ZMAT3: variants seen among roughly 807,000 people sequenced by gnomAD.
The protein encoded by ZMAT3 is zinc finger matrin-type 3.
ZMAT3 carries 17 observed loss-of-function variants against 32.3 expected under a neutral mutation model. The observed-to-expected ratio is 0.53, with a 90% CI of 0.36 to 0.79. The LOEUF (loss-of-function observed/expected upper bound fraction) is 0.79, where lower values mean the gene tolerates loss of function less well. Among genes scored for constraint, ZMAT3 ranks in the 30% least tolerant of loss-of-function variants. ZMAT3 has a pLI of 0.00. For missense variants in ZMAT3, 329 were observed against 359.7 expected (o/e 0.91, Z 0.69); for synonymous variants, 120 against 133.1 (o/e 0.90, Z 0.68).
chr3:179,039,864 A>G (rs1719821790), intron 2 of ZMAT3, among the ~76,000 whole-genome samples: 1 of 152,174 alleles, frequency 6.6e-6, no homozygotes, highest in Non-Finnish European at 1.5e-5. Flanking sequence ...ACTAGAATAA[A>G]CACTGTAGAG....
At chr3:179,055,774 T>A (rs1350922688) in intron 2 of ZMAT3, among the ~76,000 whole-genome samples, 3 of 152,202 alleles carry the variant, frequency 2.0e-5, no homozygotes, top group Non-Finnish European at 4.4e-5. Context: ...AGATATAATG[T>A]TACTACTAAA....
In ZMAT3 at chr3:179,020,775, A is replaced by G. The variant is rs1298726410; in HGVS notation, c.*4242T>C. ...CAGTTACATGTGTCCCCTGACACAA[A>G]CGACACTCATTTTACGTAGGTCACT... On this transcript the variant is annotated 3_prime_UTR_variant, in exon 6 of 6. Coordinates refer to ENST00000311417, the MANE Select transcript of ZMAT3 (RefSeq NM_022470.4). 3.9e-5 allele frequency: 6 copies of G among 152,244 alleles called. No homozygotes were observed. The highest frequency in any genetic ancestry group is 7.3e-5 in the Non-Finnish European group (5 of 68,046). The allele number at this position is 152,244 out of a possible 1,614,324, so 9.4% of individuals were successfully genotyped here.
At chr3:179,033,477 A>G (rs1171355422) in intron 2 of ZMAT3, among the ~76,000 whole-genome samples, 1 of 152,014 alleles carries the variant, frequency 6.6e-6, no homozygotes, top group Non-Finnish European at 1.5e-5. Flanking sequence ...AGAAACACCC[A>G]AGAATGATCA....
In ZMAT3 at chr3:179,046,619, T is replaced by C. The variant is rs1720253534; in HGVS notation, c.271-15620A>G. On this transcript the variant is annotated intron_variant, in intron 2 of 5. Coordinates refer to ENST00000311417, the MANE Select transcript of ZMAT3 (RefSeq NM_022470.4). This position sits in a 1 kb window ranked among gnomAD's most constrained non-coding sequence, Gnocchi z 4.3. ...GTGGTCTGGGGCAAGTTCTCAGCCC[T>C]GACCACCAGCTGCCTGGAAATGAAC... is the stretch of plus-strand genomic sequence containing the variant. Among the ~76,000 whole-genome samples, 1 of 152,136 alleles carries C rather than the reference T, an allele frequency of 6.6e-6. No individual in the cohort carries two copies. Among genetic ancestry groups the C allele is most frequent in the African/African-American group, 2.4e-5 (1 of 41,426 alleles).
intron 2 of ZMAT3, among the ~76,000 whole-genome samples, chr3:179,065,313 T>G (rs1372987079): frequency 6.6e-6 from 1 of 152,214 alleles, no homozygotes; most frequent in Non-Finnish European, 1.5e-5. Flanking sequence ...TATTTTCTAA[T>G]TTATTTATTC....
intron 3 of ZMAT3, among the ~76,000 whole-genome samples, chr3:179,029,882 G>A (rs1054411532): frequency 6.6e-6 from 1 of 152,092 alleles, no homozygotes; most frequent in Non-Finnish European, 1.5e-5. Context: ...TTATGCCCAA[G>A]TTTAGTGCAT....
intron 2 of ZMAT3, among the ~76,000 whole-genome samples, chr3:179,052,274 C>T (rs1720607170): frequency 1.3e-5 from 2 of 152,196 alleles, no homozygotes; most frequent in South Asian, 2.1e-4. Context: ...ATCCAGTCTA[C>T]AAGGAATTCA....
intron 4 of ZMAT3, 23 bp from the exon 5 acceptor site, chr3:179,027,546 A>G: frequency 1.9e-6 from 3 of 1,614,200 alleles, no homozygotes; most frequent in Non-Finnish European, 2.5e-6. Flanking sequence ...AGTTTAAAAA[A>G]GAGTGAGTCT....
chr3:179,067,062 T>C (rs940847582), intron 2 of ZMAT3, among the ~76,000 whole-genome samples: 7 of 152,212 alleles, frequency 4.6e-5, no homozygotes, highest in Non-Finnish European at 1.0e-4. Context: ...TGATGCAAAT[T>C]ATATTAGCTT....
intron 2 of ZMAT3, among the ~76,000 whole-genome samples, chr3:179,038,568 C>A (rs1365843718): frequency 6.6e-6 from 1 of 152,132 alleles, no homozygotes; most frequent in Admixed American, 6.5e-5. Context: ...CAGAGCGAGA[C>A]CCTGTCTCAA....
intron 5 of ZMAT3, among the ~76,000 whole-genome samples, chr3:179,025,960 T>A (rs1161177177): frequency 6.6e-6 from 1 of 152,234 alleles, no homozygotes; most frequent in East Asian, 1.9e-4. Context: ...GTTAACTTTA[T>A]GCTTTTCACT....
At chr3:179,063,062 G>T (rs765586499) in intron 2 of ZMAT3, among the ~76,000 whole-genome samples, 24 of 152,214 alleles carry the variant, frequency 1.6e-4, no homozygotes, top group Non-Finnish European at 3.1e-4. Flanking sequence ...GAGAGATTCA[G>T]TGTCTTGCCT....
intron 2 of ZMAT3, among the ~76,000 whole-genome samples, chr3:179,064,201 C>T (rs984924176): frequency 6.6e-6 from 1 of 152,234 alleles, no homozygotes; most frequent in Non-Finnish European, 1.5e-5. Flanking sequence ...TCACTTCACA[C>T]AAATGTGTTT....
At chr3:179,038,865 C>A (rs139185957) in intron 2 of ZMAT3, among the ~76,000 whole-genome samples, 1 of 152,236 alleles carries the variant, frequency 6.6e-6, no homozygotes, top group Non-Finnish European at 1.5e-5. Context: ...CCAAATACTG[C>A]GCTTTTCCCA....
chr3:179,035,608 G>GT (rs11398357), intron 2 of ZMAT3, among the ~76,000 whole-genome samples: 51,880 of 151,046 alleles, frequency 0.34, 9,507 homozygotes, highest in East Asian at 0.52. Flanking sequence ...TTGTTGACTT[G>GT]TTTTTTTTTC....
At chr3:179,033,670 TTA>T (rs1719425304) in intron 2 of ZMAT3, among the ~76,000 whole-genome samples, 1 of 152,206 alleles carries the variant, frequency 6.6e-6, no homozygotes, top group Admixed American at 6.5e-5. Flanking sequence ...CTAATGTACT[TTA>T]TAAGTTAGTA....
chr3:179,068,314 C>G (rs550090543), intron 1 of ZMAT3, among the ~76,000 whole-genome samples: 2 of 152,240 alleles, frequency 1.3e-5, no homozygotes, highest in African/African-American at 4.8e-5. Flanking sequence ...CGAGACCAGC[C>G]TGTTCAAGAC....
rs1341405688 is a variant in ZMAT3 at position 179,027,786 on chromosome 3, T to G, written c.417A>C (p.Arg139=). Residue 139 remains arginine, a synonymous_variant, in exon 4 of 6, where the codon CGA becomes CGC. Coordinates refer to ENST00000311417, the MANE Select transcript of ZMAT3 (RefSeq NM_022470.4). ...AATCATTCTCCGTGGCCAGGATCAC[T>G]CGGCCTCCTGGCTTAAAGGAGCCCA... ...PQMGSFKPGG[R]VILATENDYC... The G allele has an allele frequency of 1.2e-6, 2 of 1,612,870 alleles. No individual in the cohort carries two copies. Among genetic ancestry groups the G allele is most frequent in the Non-Finnish European group, 1.7e-6 (2 of 1,179,822 alleles).
chr3:179,058,755 C>CAAAAAAAAAAAAAAA, intron 2 of ZMAT3, among the ~76,000 whole-genome samples: 1 of 68,226 alleles, frequency 1.5e-5, no homozygotes, highest in African/African-American at 5.2e-5. Context: ...GACTCCGTCT[C>CAAAAAAAAAAAAAAA]AAAAAAAAAA....
Sources: allele counts gnomAD v4.1 joint callset (sites outside exome capture counted in the v4.1 genomes callset), GRCh38; gene constraint gnomAD v4.1.1; non-coding constraint Gnocchi (gnomAD v3.1); transcripts MANE v1.5; gene names NCBI Gene and HGNC (gene_info 2026-07-23, HGNC 2026-07-21).